FXYD3: variants seen among roughly 807,000 people sequenced by gnomAD.
FXYD3 encodes the protein FXYD domain-containing ion transport regulator 3.
FXYD3 carries 13 observed loss-of-function variants against 19.2 expected under a neutral mutation model. The ratio of observed to expected loss-of-function variants is 0.68; its 90% confidence interval spans 0.44 to 1.08. The LOEUF is 1.08. Among genes scored for constraint, FXYD3 ranks in the 50% least tolerant of loss-of-function variants. FXYD3 has a pLI of 0.00. For missense variants in FXYD3, 101 were observed against 109.4 expected (o/e 0.92, Z 0.34); for synonymous variants, 48 against 38.9 (o/e 1.23, Z -0.87).
At position 35,121,075 on chromosome 19, in the gene FXYD3, T is replaced by C. The variant is rs766096864; in HGVS notation, c.41-3T>C. On this transcript the variant is annotated splice_region_variant and splice_polypyrimidine_tract_variant and intron_variant, in intron 3 of 8. Coordinates refer to ENST00000604404, the MANE Select transcript of FXYD3 (RefSeq NM_005971.4). ...TCCCCTCCTTCCCCTCTTCTCCCACTAGGCTTTCCTGTCCTGGACGCCAAT... is the reference window on the plus strand; with the variant it reads ...TCCCCTCCTTCCCCTCTTCTCCCACCAGGCTTTCCTGTCCTGGACGCCAAT... The C allele has an allele frequency of 4.7e-5, 75 of 1,612,620 alleles. No individual in the cohort carries two copies. Among genetic ancestry groups the C allele is most frequent in the Non-Finnish European group, 6.2e-5 (73 of 1,180,006 alleles).
chr19:35,123,657 A>G lies in FXYD3; in HGVS notation c.*200A>G. On this transcript the variant is annotated 3_prime_UTR_variant, in exon 9 of 9. Transcript: ENST00000604404. ...TCTAAAATGATTGTGCCTCTGCCCA[A>G]GCAGCCTGGAGACTTCCTATGTGTG... is the stretch of plus-strand genomic sequence containing the variant. 1.6e-6 allele frequency: 1 copy of G among 617,276 alleles called. No individual in the cohort carries two copies. The highest frequency in any genetic ancestry group is 2.9e-6 in the Non-Finnish European group (1 of 349,944). 38.2% of individuals were successfully genotyped at this position (617,276 alleles called of 1,614,324 possible).
chr19:35,122,293 T>G (rs1285691231), intron 5 of FXYD3, among the ~76,000 whole-genome samples: 1 of 152,106 alleles, frequency 6.6e-6, no homozygotes, highest in Non-Finnish European at 1.5e-5. Context: ...TAGCTGGGAT[T>G]ACAGGCGCCT....
In FXYD3 at chr19:35,116,410, A is replaced by G. The variant is rs576721324; in HGVS notation, c.-15+51A>G. On this transcript the variant is annotated intron_variant, in intron 2 of 8. Transcript: ENST00000604404. ...AAGCCCTCCTTGTCTCTGCCCCTAA[A>G]TTAGGAAGTATCTACCTGCCCCCTG... 1,426 of 973,836 alleles carry G rather than the reference A, an allele frequency of 1.5e-3. 2 individuals carry two copies. The highest frequency in any genetic ancestry group is 1.6e-3 in the Non-Finnish European group (1,340 of 824,868). The allele number at this position is 973,836 out of a possible 1,614,324, so 60.3% of individuals were successfully genotyped here. A position where few individuals can be genotyped will look rare whatever the true frequency, so the allele number is the denominator to read the frequency against.
chr19:35,123,624 T>G lies in FXYD3; in HGVS notation c.*167T>G, dbSNP rs1438392863. ...CGCAAGAGGGTCTCTTTGTTCAATT[T>G]TTTTTAATCTAAAATGATTGTGCCT... On this transcript the variant is annotated 3_prime_UTR_variant, in exon 9 of 9. Coordinates refer to ENST00000604404, the MANE Select transcript of FXYD3 (RefSeq NM_005971.4). The G allele has an allele frequency of 2.9e-6, 2 of 690,738 alleles. No homozygotes were observed. Among genetic ancestry groups the G allele is most frequent in the Non-Finnish European group, 4.9e-6 (2 of 406,112 alleles). 42.8% of individuals were successfully genotyped at this position (690,738 alleles called of 1,614,324 possible).
At chr19:35,122,398 G>T (rs778952539) in intron 5 of FXYD3, among the ~76,000 whole-genome samples, 1 of 152,054 alleles carries the variant, frequency 6.6e-6, no homozygotes, top group Non-Finnish European at 1.5e-5. Flanking sequence ...CAGGTGATCC[G>T]CCCACCTTGG....
At chr19:35,119,068 G>A in intron 2 of FXYD3, 1 of 840,608 alleles carries the variant, frequency 1.2e-6, no homozygotes, top group Non-Finnish European at 2.0e-6. Flanking sequence ...TGTCCAGTGA[G>A]GACAACAGCG....
intron 5 of FXYD3, chr19:35,121,629 C>G: frequency 1.1e-6 from 1 of 940,180 alleles, no homozygotes; most frequent in Non-Finnish European, 1.4e-6. Context: ...CTGCCCTCAC[C>G]TCTCCACGCT....
At chr19:35,122,894 T>C in intron 6 of FXYD3, 24 bp from the exon 7 acceptor site, 1 of 1,613,614 alleles carries the variant, frequency 6.2e-7, no homozygotes, top group Non-Finnish European at 8.5e-7. Context: ...TCCCCTCCCC[T>C]GACCACTCAG....
intron 1 of FXYD3, 89 bp from the exon 2 acceptor site, chr19:35,116,175 T>A (rs1045701234): frequency 2.0e-6 from 2 of 980,608 alleles, no homozygotes; most frequent in African/African-American, 3.5e-5. Context: ...CTGCCGCCCA[T>A]GGCTGGGGAG....
At chr19:35,121,314 C>T in intron 5 of FXYD3, 69 bp downstream of exon 5, 1 of 1,614,166 alleles carries the variant, frequency 6.2e-7, no homozygotes, top group Non-Finnish European at 8.5e-7. Flanking sequence ...GGTTCCCATA[C>T]AGGGTTGGGG....
chr19:35,116,277 G>T lies in FXYD3; in HGVS notation c.-97G>T, dbSNP rs974374629. ...CTACCTGCCCAGGTTTGCTTAGGGC[G>T]TGGCAGCTTCGGATAAACGCAGGAC... On this transcript the variant is annotated 5_prime_UTR_variant, in exon 2 of 9. Coordinates refer to ENST00000604404, the MANE Select transcript of FXYD3 (RefSeq NM_005971.4). The T allele has an allele frequency of 1.0e-6, 1 of 985,432 alleles. No homozygotes were observed. Among genetic ancestry groups the T allele is most frequent in the Non-Finnish European group, 1.2e-6 (1 of 829,948 alleles). 61.0% of individuals were successfully genotyped at this position (985,432 alleles called of 1,614,324 possible).
intron 2 of FXYD3, chr19:35,117,200 C>T (rs1370371895): frequency 4.9e-6 from 7 of 1,420,094 alleles, no homozygotes; most frequent in Non-Finnish European, 6.4e-6. Flanking sequence ...TGAGGGCAGA[C>T]CCAGCTCCCG....
chr19:35,121,158 G>A, intron 4 of FXYD3, 48 bp downstream of exon 4: 3 of 1,614,060 alleles, frequency 1.9e-6, no homozygotes, highest in Non-Finnish European at 2.5e-6. Flanking sequence ...ATTCTCCCCT[G>A]GGTGGGGAAG....
In FXYD3 at chr19:35,122,962, A is replaced by T. The variant is rs2065079316; in HGVS notation, c.209+8A>T. 1.3e-6 allele frequency: 2 copies of T among 1,585,008 alleles called. No individual in the cohort carries two copies. Among genetic ancestry groups the T allele is most frequent in the African/African-American group, 2.7e-5 (2 of 74,480 alleles). On this transcript the variant is annotated splice_region_variant and intron_variant, in intron 7 of 8. Coordinates refer to ENST00000604404, the MANE Select transcript of FXYD3 (RefSeq NM_005971.4). ...GTTTGGCCAGAAGTCCGGGTAAGATACTGTTCCGGCATGCCCGCCTCAGGC... is the reference window on the plus strand; with the variant it reads ...GTTTGGCCAGAAGTCCGGGTAAGATTCTGTTCCGGCATGCCCGCCTCAGGC...
intron 5 of FXYD3, 82 bp from the exon 6 acceptor site, chr19:35,122,683 C>T: frequency 8.9e-7 from 1 of 1,129,852 alleles, no homozygotes; most frequent in Non-Finnish European, 1.3e-6. Flanking sequence ...CCTAGGTGCT[C>T]CATATATATT....
intron 5 of FXYD3, 172 bp downstream of exon 5, chr19:35,121,417 A>C: frequency 6.5e-7 from 1 of 1,542,234 alleles, no homozygotes; most frequent in Non-Finnish European, 8.7e-7. Context: ...TAGAGGCAGC[A>C]ACCTGGCCTT....
chr19:35,122,008 C>A (rs1303425142), intron 5 of FXYD3, among the ~76,000 whole-genome samples: 1 of 147,804 alleles, frequency 6.8e-6, no homozygotes, highest in Non-Finnish European at 1.5e-5. Context: ...TTTTTGTATA[C>A]TTTGTAGAGA....
chr19:35,120,477 G>C (rs1182144630), intron 3 of FXYD3, among the ~76,000 whole-genome samples: 1 of 152,104 alleles, frequency 6.6e-6, no homozygotes, highest in Non-Finnish European at 1.5e-5. Context: ...GACCTCCCAG[G>C]CTCAAGAGAT....
chr19:35,118,774 T>C (rs1410841036), intron 2 of FXYD3, among the ~76,000 whole-genome samples: 1 of 151,914 alleles, frequency 6.6e-6, no homozygotes, highest in Non-Finnish European at 1.5e-5. Context: ...CGTCAATTCC[T>C]CCACACACCA....
Sources: gnomAD v4.1 joint callset for allele counts (sites outside exome capture counted in the v4.1 genomes callset) on GRCh38, gnomAD v4.1.1 for gene constraint, MANE v1.5 for transcripts, NCBI Gene and HGNC (gene_info 2026-07-23, HGNC 2026-07-21) for gene names.